The following SCAPER variants were observed in gnomAD, a reference collection of about 807,000 sequenced individuals.
The protein encoded by SCAPER is S phase cyclin A-associated protein in the endoplasmic reticulum.
A neutral mutation model predicts 182.2 loss-of-function variants in SCAPER; 98 were observed. That is an observed-to-expected ratio of 0.54 (90% CI 0.46 to 0.64). SCAPER has a LOEUF of 0.64. Ranked by LOEUF, SCAPER falls within the 30% of genes least tolerant of loss-of-function variation. SCAPER has a pLI of 0.00. For missense variants in SCAPER, 1,432 were observed against 1,690.0 expected (o/e 0.85, Z 2.68); for synonymous variants, 605 against 564.6 (o/e 1.07, Z -1.01).
At chr15:76,713,412 A>T (rs1390009590) in intron 17 of SCAPER, among the ~76,000 whole-genome samples, 4 of 151,946 alleles carry the variant, frequency 2.6e-5, no homozygotes, top group Non-Finnish European at 5.9e-5. Context: ...GGACTAAGAA[A>T]ATGTGGCACA....
chr15:76,405,372 C>T (rs1487972867), intron 26 of SCAPER, among the ~76,000 whole-genome samples: 4 of 152,034 alleles, frequency 2.6e-5, no homozygotes, highest in African/African-American at 9.7e-5. Context: ...CTGCCTCGGC[C>T]TCCTAAAGTG....
chr15:76,728,840 G>C, intron 16 of SCAPER, 103 bp from the exon 17 acceptor site: 2 of 1,247,970 alleles, frequency 1.6e-6, no homozygotes, highest in Non-Finnish European at 2.2e-6. Flanking sequence ...AAGCCAAGTA[G>C]AAACATGGGC....
chr15:76,800,393 A>C, intron 6 of SCAPER, 29 bp from the exon 7 acceptor site: 5 of 1,351,694 alleles, frequency 3.7e-6, no homozygotes, highest in Non-Finnish European at 5.2e-6. Context: ...AACCAGATTA[A>C]ATTAACAGAG....
At chr15:76,727,589 G>A (rs2060668300) in intron 17 of SCAPER, among the ~76,000 whole-genome samples, 1 of 152,032 alleles carries the variant, frequency 6.6e-6, no homozygotes, top group African/African-American at 2.4e-5. Context: ...AAAACCAATT[G>A]CAGATAGATA....
chr15:76,649,425 C>T (rs1192960810), intron 21 of SCAPER, among the ~76,000 whole-genome samples: 5 of 151,796 alleles, frequency 3.3e-5, no homozygotes, highest in Non-Finnish European at 7.4e-5. Context: ...ATGAGACAAT[C>T]CCCCTGCTCC....
At chr15:76,802,602 C>T (rs980888875) in intron 6 of SCAPER, among the ~76,000 whole-genome samples, 2 of 152,280 alleles carry the variant, frequency 1.3e-5, no homozygotes, top group Admixed American at 1.3e-4. Context: ...ATCTTAGTTT[C>T]CCTAGATTTG....
At chr15:76,549,630 A>C (rs1290525743) in intron 23 of SCAPER, among the ~76,000 whole-genome samples, 1 of 152,152 alleles carries the variant, frequency 6.6e-6, no homozygotes, top group Admixed American at 6.5e-5. Context: ...TAGCATTAGG[A>C]GATATACCTA....
chr15:76,468,896 T>C (rs1380663255), intron 25 of SCAPER, among the ~76,000 whole-genome samples: 1 of 152,130 alleles, frequency 6.6e-6, no homozygotes, highest in Admixed American at 6.5e-5. Context: ...TTGCACTCTT[T>C]TCACCATCTG....
At chr15:76,508,456 T>C (rs182070309) in intron 23 of SCAPER, among the ~76,000 whole-genome samples, 14 of 152,306 alleles carry the variant, frequency 9.2e-5, no homozygotes, top group African/African-American at 3.4e-4. Flanking sequence ...AGAGTATGCA[T>C]AGGTTCAGTT....
chr15:76,553,900 C>G (rs979862461), intron 23 of SCAPER, among the ~76,000 whole-genome samples: 1 of 152,220 alleles, frequency 6.6e-6, no homozygotes, highest in Non-Finnish European at 1.5e-5. Context: ...TGCAAGAATT[C>G]TGGCAACTCA....
chr15:76,619,655 T>C (rs1038736080), intron 22 of SCAPER, among the ~76,000 whole-genome samples: 1 of 152,208 alleles, frequency 6.6e-6, no homozygotes, highest in African/African-American at 2.4e-5. Context: ...TAGTTACATA[T>C]GTATACATGT....
intron 21 of SCAPER, among the ~76,000 whole-genome samples, chr15:76,628,266 A>G (rs996952310): frequency 1.3e-5 from 2 of 152,142 alleles, no homozygotes; most frequent in African/African-American, 4.8e-5. Flanking sequence ...TGCTGTGCAG[A>G]GGCTCTTTCG....
At chr15:76,431,328 T>C (rs931135134) in intron 26 of SCAPER, among the ~76,000 whole-genome samples, 3 of 152,162 alleles carry the variant, frequency 2.0e-5, no homozygotes, top group Non-Finnish European at 4.4e-5. Context: ...AAAATTAGTA[T>C]GGGTGGCCAT....
At chr15:76,524,689 GTTTTTTTTTTTT>G (rs35944222) in intron 23 of SCAPER, among the ~76,000 whole-genome samples, 5 of 50,116 alleles carry the variant, frequency 1.0e-4, no homozygotes, top group East Asian at 7.3e-4. Context: ...TTTTTGTTCT[GTTTTTTTTTTTT>G]TTTTTTTTTT....
intron 27 of SCAPER, among the ~76,000 whole-genome samples, chr15:76,383,960 G>A (rs2043133804): frequency 6.6e-6 from 1 of 152,144 alleles, no homozygotes; most frequent in South Asian, 2.1e-4. Flanking sequence ...ATATTTATTT[G>A]CTTATAGGTA....
chr15:76,742,408 G>A (rs1168794435), intron 15 of SCAPER, among the ~76,000 whole-genome samples: 1 of 116,804 alleles, frequency 8.6e-6, no homozygotes, highest in African/African-American at 3.3e-5. Flanking sequence ...TCCAAGAGCA[G>A]CAAAGGGGAC....
intron 22 of SCAPER, among the ~76,000 whole-genome samples, chr15:76,607,247 A>T (rs1184761143): frequency 6.6e-6 from 1 of 152,192 alleles, no homozygotes; most frequent in African/African-American, 2.4e-5. Flanking sequence ...ACTTGTCTGT[A>T]AAGTATTTTA....
At chr15:76,819,835 G>C (rs968781004) in intron 5 of SCAPER, among the ~76,000 whole-genome samples, 1 of 152,014 alleles carries the variant, frequency 6.6e-6, no homozygotes, top group African/African-American at 2.4e-5. Context: ...ATTTTTGCAA[G>C]CTACTCATCT....
intron 5 of SCAPER, among the ~76,000 whole-genome samples, chr15:76,816,332 C>G (rs2151615687): frequency 6.6e-6 from 1 of 152,258 alleles, no homozygotes; most frequent in South Asian, 2.1e-4. Flanking sequence ...TTTATAACCT[C>G]ATTCTATAAG....
Sources: gnomAD v4.1 joint callset for allele counts (sites outside exome capture counted in the v4.1 genomes callset) on GRCh38, gnomAD v4.1.1 for gene constraint, MANE v1.5 for transcripts, NCBI Gene and HGNC (gene_info 2026-07-23, HGNC 2026-07-21) for gene names.